Variants in IL1RAPL2 observed in about 807,000 individuals in gnomAD.
The protein encoded by IL1RAPL2 is interleukin 1 receptor accessory protein like 2.
IL1RAPL2 carries 3 observed loss-of-function variants against 44.1 expected under a neutral mutation model. The observed-to-expected ratio is 0.07, with a 90% CI of 0.03 to 0.18. The LOEUF (loss-of-function observed/expected upper bound fraction) is 0.18. Among genes scored for constraint, IL1RAPL2 ranks in the 10% least tolerant of loss-of-function variants. The pLI, the probability that IL1RAPL2 is intolerant of heterozygous loss-of-function variation, is 1.00. For synonymous variants in IL1RAPL2, 181 were observed against 178.8 expected, an observed-to-expected ratio of 1.01 and a Z score of -0.10; for missense variants, 391 against 496.4, an observed-to-expected ratio of 0.79 and a Z score of 2.02.
intron 2 of IL1RAPL2, among the ~76,000 whole-genome samples, chrX:105,073,868 G>C (rs1327220636): frequency 9.0e-6 from 1 of 111,314 alleles, no homozygotes; most frequent in African/African-American, 3.3e-5. Flanking sequence ...CATATCCTTT[G>C]CCCACTTTTT....
intron 1 of IL1RAPL2, among the ~76,000 whole-genome samples, chrX:104,609,503 G>C (rs1929098733): frequency 8.9e-6 from 1 of 111,848 alleles, no homozygotes; most frequent in Admixed American, 9.5e-5. Flanking sequence ...ATGTAGATTT[G>C]GTCTCTTCAC....
At chrX:105,429,871 CTT>C (rs971587963) in intron 5 of IL1RAPL2, among the ~76,000 whole-genome samples, 1 of 111,441 alleles carries the variant, frequency 9.0e-6, no homozygotes, top group Non-Finnish European at 1.9e-5. Context: ...AGAATTAACT[CTT>C]GTTACACACC....
intron 6 of IL1RAPL2, among the ~76,000 whole-genome samples, chrX:105,655,639 G>C (rs2037672367): frequency 8.9e-6 from 1 of 112,168 alleles, no homozygotes; most frequent in Admixed American, 9.4e-5. Context: ...CTTTGAAAAA[G>C]CATGAATCAG....
intron 5 of IL1RAPL2, among the ~76,000 whole-genome samples, chrX:105,448,073 G>A (rs2035988219): frequency 9.5e-6 from 1 of 105,631 alleles, no homozygotes. Flanking sequence ...AATGTCTCCT[G>A]GCTTGTGTGG....
At chrX:105,720,696 T>C (rs1377032399) in intron 7 of IL1RAPL2, among the ~76,000 whole-genome samples, 2 of 111,402 alleles carry the variant, frequency 1.8e-5, no homozygotes, top group Non-Finnish European at 3.8e-5. Context: ...GCACATATAT[T>C]TTCTTTTCTC....
In IL1RAPL2 at chrX:105,005,313, T is replaced by C. The variant is rs6621896; in HGVS notation, c.83-190162T>C. Among the ~76,000 whole-genome samples the C allele has an allele frequency of 0.014, 1,543 of 111,371 alleles. 67 individuals carry two copies. In the East Asian group the frequency reaches 0.16, roughly 11 times the overall value. ...TGATATTGATCTGAAATAGCCAGTT[T>C]AGTTGGTCAGTAACAACCCAGACCA... On this transcript the variant is annotated intron_variant, in intron 2 of 10. Transcript: ENST00000372582.
chrX:105,593,569 A>G (rs911724173), intron 6 of IL1RAPL2, among the ~76,000 whole-genome samples: 5 of 111,134 alleles, frequency 4.5e-5, no homozygotes, highest in Non-Finnish European at 9.4e-5. Flanking sequence ...TTAATCTTTG[A>G]AGTTGCTGTC....
intron 8 of IL1RAPL2, among the ~76,000 whole-genome samples, chrX:105,743,822 T>C (rs2038518991): frequency 8.9e-6 from 1 of 112,287 alleles, no homozygotes; most frequent in African/African-American, 3.2e-5. Context: ...ATAACAGGGA[T>C]TGATAAAAAG....
intron 2 of IL1RAPL2, among the ~76,000 whole-genome samples, chrX:105,176,610 G>A (rs1478636006): frequency 9.0e-6 from 1 of 110,708 alleles, no homozygotes. Flanking sequence ...AGTTGCATAA[G>A]CACTTCCTCC....
chrX:105,734,909 C>T (rs183732353), intron 7 of IL1RAPL2, among the ~76,000 whole-genome samples: 1 of 111,189 alleles, frequency 9.0e-6, no homozygotes, highest in Admixed American at 9.5e-5. Context: ...CATGGTGGGT[C>T]TCCAGGAATT....
intron 6 of IL1RAPL2, among the ~76,000 whole-genome samples, chrX:105,498,899 G>T (rs1352152951): frequency 9.0e-6 from 1 of 111,213 alleles, no homozygotes; most frequent in African/African-American, 3.3e-5. Context: ...TGAGTGGCGG[G>T]CAAGCAAGCA....
chrX:104,766,174 A>G (rs1487886602), intron 2 of IL1RAPL2, among the ~76,000 whole-genome samples: 1 of 112,271 alleles, frequency 8.9e-6, no homozygotes, highest in African/African-American at 3.2e-5. Context: ...GTAACCACAA[A>G]TAAGTCAACA....
chrX:105,346,547 T>A (rs1440027160), intron 5 of IL1RAPL2, among the ~76,000 whole-genome samples: 1 of 112,189 alleles, frequency 8.9e-6, no homozygotes, highest in Non-Finnish European at 1.9e-5. Flanking sequence ...GGGAAGTAGA[T>A]GTTGTACTGA....
At chrX:105,305,105 G>A (rs1000654430) in intron 5 of IL1RAPL2, among the ~76,000 whole-genome samples, 2 of 111,434 alleles carry the variant, frequency 1.8e-5, no homozygotes, top group African/African-American at 3.3e-5. Flanking sequence ...ACCATTAGAA[G>A]CCACCCCCAT....
chrX:105,277,822 A>G (rs1006667233), intron 5 of IL1RAPL2, among the ~76,000 whole-genome samples: 2 of 109,641 alleles, frequency 1.8e-5, no homozygotes, highest in African/African-American at 6.8e-5. Flanking sequence ...GGGAACTAGA[A>G]GAAAAAAAAT....
At chrX:105,250,914 ATACT>A (rs1345487716) in intron 4 of IL1RAPL2, among the ~76,000 whole-genome samples, 1 of 111,111 alleles carries the variant, frequency 9.0e-6, no homozygotes, top group Non-Finnish European at 1.9e-5. Context: ...ACAGATAAAA[ATACT>A]TATGTATGAG....
intron 5 of IL1RAPL2, among the ~76,000 whole-genome samples, chrX:105,288,509 A>G (rs1039525772): frequency 1.8e-5 from 2 of 111,009 alleles, no homozygotes; most frequent in Non-Finnish European, 3.8e-5. Flanking sequence ...AGCTTTCTGC[A>G]TATGGCTAGC....
At chrX:104,947,149 T>C (rs371065327) in intron 2 of IL1RAPL2, among the ~76,000 whole-genome samples, 7 of 112,207 alleles carry the variant, frequency 6.2e-5, no homozygotes, top group Admixed American at 1.9e-4. Flanking sequence ...TTTTGATTTG[T>C]ATTTCTCTGA....
chrX:104,687,064 A>G (rs1425455424), intron 2 of IL1RAPL2, among the ~76,000 whole-genome samples: 3 of 112,048 alleles, frequency 2.7e-5, no homozygotes, highest in African/African-American at 9.7e-5. Flanking sequence ...TGGGTAGAAA[A>G]AGTTGAAGGT....
Sources: gnomAD v4.1 joint callset for allele counts (sites outside exome capture counted in the v4.1 genomes callset) on GRCh38, gnomAD v4.1.1 for gene constraint, MANE v1.5 for transcripts, NCBI Gene and HGNC (gene_info 2026-07-23, HGNC 2026-07-21) for gene names.